The following CCSER1 variants were observed in gnomAD, a reference collection of about 807,000 sequenced individuals.
CCSER1 encodes the protein serine-rich coiled-coil domain-containing protein 1.
In CCSER1, 41 loss-of-function variants were observed where a neutral mutation model predicts 82.0. The observed-to-expected ratio is 0.50, with a 90% CI of 0.39 to 0.65. The LOEUF (loss-of-function observed/expected upper bound fraction) is 0.65, where lower values mean the gene tolerates loss of function less well. Ranked by LOEUF, CCSER1 falls within the 30% of genes least tolerant of loss-of-function variation. The pLI is 0.00. For synonymous variants in CCSER1, 414 were observed against 383.9 expected (o/e 1.08, Z -0.92); for missense variants, 1,119 against 1,064.2 (o/e 1.05, Z -0.72).
At chr4:90,257,009 T>C (rs1723430016) in intron 1 of CCSER1, among the ~76,000 whole-genome samples, 2 of 152,050 alleles carry the variant, frequency 1.3e-5, no homozygotes, top group South Asian at 2.1e-4. Context: ...TTCCGTACTA[T>C]CTGTAGTTTC....
At chr4:90,372,070 C>A (rs1037505368) in intron 3 of CCSER1, among the ~76,000 whole-genome samples, 1 of 152,082 alleles carries the variant, frequency 6.6e-6, no homozygotes, top group Non-Finnish European at 1.5e-5. Context: ...GTTTGGAACT[C>A]TGTGGATATG....
chr4:91,550,839 G>A (rs905164646), intron 10 of CCSER1, among the ~76,000 whole-genome samples: 2 of 152,114 alleles, frequency 1.3e-5, no homozygotes, highest in Non-Finnish European at 2.9e-5. Context: ...TATGCGCAAA[G>A]CAAACTTCCA....
chr4:90,460,817 C>T (rs1762800947), intron 4 of CCSER1, among the ~76,000 whole-genome samples: 1 of 151,998 alleles, frequency 6.6e-6, no homozygotes, highest in African/African-American at 2.4e-5. Flanking sequence ...TTGTAATGTG[C>T]TGAGAATTGT....
At chr4:91,444,312 T>C (rs113972484) in intron 10 of CCSER1, among the ~76,000 whole-genome samples, 2,032 of 152,310 alleles carry the variant, frequency 0.013, 50 homozygotes, top group African/African-American at 0.047. Context: ...TATTCTTTGA[T>C]ATAAACTTAC....
intron 3 of CCSER1, among the ~76,000 whole-genome samples, chr4:90,320,937 T>C (rs1440060400): frequency 6.6e-6 from 1 of 152,086 alleles, no homozygotes; most frequent in Admixed American, 6.6e-5. Flanking sequence ...TACAGGTACA[T>C]AATAGGTGGA....
intron 6 of CCSER1, among the ~76,000 whole-genome samples, chr4:90,664,649 C>T (rs976372435): frequency 6.6e-6 from 1 of 152,082 alleles, no homozygotes; most frequent in Non-Finnish European, 1.5e-5. Context: ...GCCTGTAATC[C>T]CAGCACTTTG....
At chr4:90,148,899 C>A (rs533329123) in intron 1 of CCSER1, among the ~76,000 whole-genome samples, 2 of 152,212 alleles carry the variant, frequency 1.3e-5, no homozygotes, top group East Asian at 3.9e-4. Flanking sequence ...GTCTTTTAAC[C>A]TCTTGAGTCA....
chr4:90,786,373 G>A (rs929936153), intron 7 of CCSER1, among the ~76,000 whole-genome samples: 18 of 152,132 alleles, frequency 1.2e-4, no homozygotes, highest in African/African-American at 4.1e-4. Flanking sequence ...GTAATACTCA[G>A]AAACTATAAC....
At chr4:90,834,336 A>G (rs1272673855) in intron 8 of CCSER1, among the ~76,000 whole-genome samples, 1 of 152,186 alleles carries the variant, frequency 6.6e-6, no homozygotes, top group African/African-American at 2.4e-5. Context: ...CAAAGGGTAA[A>G]TCAAATATTA....
At chr4:90,819,735 T>C (rs1424258804) in intron 8 of CCSER1, among the ~76,000 whole-genome samples, 1 of 152,212 alleles carries the variant, frequency 6.6e-6, no homozygotes, top group African/African-American at 2.4e-5. Context: ...AAGCTGTTTG[T>C]ACTCTTAGGA....
At chr4:90,338,813 T>G (rs1740870938) in intron 3 of CCSER1, among the ~76,000 whole-genome samples, 2 of 152,224 alleles carry the variant, frequency 1.3e-5, no homozygotes. Context: ...GTTCAGCTAT[T>G]CCACATAAGG....
At chr4:90,510,724 A>C (rs1771376940) in intron 5 of CCSER1, among the ~76,000 whole-genome samples, 1 of 152,224 alleles carries the variant, frequency 6.6e-6, no homozygotes, top group Admixed American at 6.5e-5. Flanking sequence ...CTGCTCACTG[A>C]TGACATCTCA....
rs1408247472 is a variant in CCSER1 at position 90,127,598 on chromosome 4, T to G, written c.-275T>G. 1 of 152,794 alleles carries G rather than the reference T, an allele frequency of 6.5e-6. No individual in the cohort carries two copies. Among genetic ancestry groups the G allele is most frequent in the Non-Finnish European group, 1.5e-5 (1 of 68,500 alleles). The allele number at this position is 152,794 out of a possible 1,614,324, so 9.5% of individuals were successfully genotyped here. ...CTCTCTCTCTCTGTCTCAACATGAC[T>G]GACTGGGAAGCGGTGGCTCGGGCAG... On this transcript the variant is annotated 5_prime_UTR_variant, in exon 1 of 11. Coordinates refer to ENST00000509176, the MANE Select transcript of CCSER1 (RefSeq NM_001145065.2).
At position 90,415,748 on chromosome 4, in the gene CCSER1, A is replaced by T. The variant is rs373405120; in HGVS notation, c.1603+15619A>T. The stretch of plus-strand genomic sequence containing the variant: ...ACAAGGTCCTGTTTCTATTTCGGCT[A>T]CTCATAGGATTATCTTCGTAGTGGC... On this transcript the variant is annotated intron_variant, in intron 4 of 10. Coordinates refer to ENST00000509176, the MANE Select transcript of CCSER1 (RefSeq NM_001145065.2). Among the ~76,000 whole-genome samples, 73 of 152,318 alleles carry T rather than the reference A, an allele frequency of 4.8e-4. 1 individual carries two copies. The South Asian group carries it at 0.014, about 29-fold the overall frequency.
At chr4:90,616,724 C>A (rs1232733468) in intron 5 of CCSER1, among the ~76,000 whole-genome samples, 1,328 of 111,142 alleles carry the variant, frequency 0.012, 26 homozygotes, top group African/African-American at 0.05. Context: ...CACACACACA[C>A]ACACACACAC....
chr4:91,448,622 G>A (rs1755701939), intron 10 of CCSER1, among the ~76,000 whole-genome samples: 1 of 151,710 alleles, frequency 6.6e-6, no homozygotes, highest in African/African-American at 2.4e-5. Flanking sequence ...GGAATAATTT[G>A]GCGTTTTACC....
At chr4:91,215,327 A>G (rs994123178) in intron 10 of CCSER1, among the ~76,000 whole-genome samples, 12 of 152,308 alleles carry the variant, frequency 7.9e-5, no homozygotes, top group African/African-American at 2.4e-4. Context: ...TTTAAAAAAG[A>G]TACTATACAT....
intron 6 of CCSER1, among the ~76,000 whole-genome samples, chr4:90,700,696 T>C (rs1280279838): frequency 6.6e-6 from 1 of 152,206 alleles, no homozygotes; most frequent in African/African-American, 2.4e-5. Flanking sequence ...TGGTGTGAGA[T>C]GGTATCTCAC....
intron 1 of CCSER1, among the ~76,000 whole-genome samples, chr4:90,137,572 C>G: frequency 6.6e-6 from 1 of 152,134 alleles, no homozygotes; most frequent in East Asian, 1.9e-4. Flanking sequence ...AGTACCCAGC[C>G]TCAGAGGCCT....
Sources: gnomAD v4.1 joint callset for allele counts (sites outside exome capture counted in the v4.1 genomes callset) on GRCh38, gnomAD v4.1.1 for gene constraint, MANE v1.5 for transcripts, NCBI Gene and HGNC (gene_info 2026-07-23, HGNC 2026-07-21) for gene names.